Variants in CCDC150 observed in about 807,000 individuals in gnomAD.
The protein encoded by CCDC150 is coiled-coil domain containing 150.
A neutral mutation model predicts 156.5 loss-of-function variants in CCDC150; 151 were observed. The observed-to-expected ratio is 0.97, with a 90% CI of 0.85 to 1.10. The LOEUF (loss-of-function observed/expected upper bound fraction) is 1.10. Among genes scored for constraint, CCDC150 ranks in the 50% least tolerant of loss-of-function variants. CCDC150 has a pLI of 0.00. For synonymous variants in CCDC150, 452 were observed against 429.4 expected, an observed-to-expected ratio of 1.05 and a Z score of -0.65; for missense variants, 1,312 against 1,268.1, an observed-to-expected ratio of 1.03 and a Z score of -0.53.
At chr2:196,691,598 CTTTTCTTA>C (rs1245912747) in intron 13 of CCDC150, among the ~76,000 whole-genome samples, 10 of 59,220 alleles carry the variant, frequency 1.7e-4, no homozygotes, top group Non-Finnish European at 3.1e-4. Flanking sequence ...AAACTACTCT[CTTTTCTTA>C]TTTATTAGTC....
intron 1 of CCDC150, among the ~76,000 whole-genome samples, chr2:196,643,755 C>T (rs749339145): frequency 6.6e-6 from 1 of 152,146 alleles, no homozygotes; most frequent in Non-Finnish European, 1.5e-5. Context: ...AATAAATTGC[C>T]ACAGAAATTG....
chr2:196,655,517 C>G (rs960982433), intron 2 of CCDC150, among the ~76,000 whole-genome samples: 1 of 152,124 alleles, frequency 6.6e-6, no homozygotes, highest in Non-Finnish European at 1.5e-5. Flanking sequence ...TTTGGCTGCC[C>G]CATTAACTCC....
intron 10 of CCDC150, 41 bp from the exon 11 acceptor site, chr2:196,676,102 T>G (rs745647499): frequency 6.2e-7 from 1 of 1,608,678 alleles, no homozygotes; most frequent in African/African-American, 1.3e-5. Flanking sequence ...ATCAAAAGAC[T>G]TTGTGGAGCT....
intron 23 of CCDC150, 25 bp from the exon 24 acceptor site, chr2:196,729,768 T>C (rs1698425255): frequency 6.8e-7 from 1 of 1,463,682 alleles, no homozygotes; most frequent in South Asian, 1.2e-5. Flanking sequence ...ATCATCTTTT[T>C]ATGTTATTTT....
At chr2:196,655,902 C>T (rs1310333172) in intron 2 of CCDC150, among the ~76,000 whole-genome samples, 1 of 152,036 alleles carries the variant, frequency 6.6e-6, no homozygotes, top group Admixed American at 6.5e-5. Flanking sequence ...TGGGGGCTGC[C>T]AAGCTCCCGT....
chr2:196,694,700 A>G (rs1319657284), intron 13 of CCDC150, among the ~76,000 whole-genome samples: 2 of 152,000 alleles, frequency 1.3e-5, no homozygotes, highest in Non-Finnish European at 2.9e-5. Context: ...CGTTTCTACT[A>G]AAAATACAAA....
At chr2:196,647,132 A>G (rs1448194370) in intron 2 of CCDC150, among the ~76,000 whole-genome samples, 1 of 152,074 alleles carries the variant, frequency 6.6e-6, no homozygotes, top group Non-Finnish European at 1.5e-5. Flanking sequence ...CAAAATTAGT[A>G]TAGTTGGTAT....
At chr2:196,696,316 GC>G (rs1356083240) in intron 14 of CCDC150, among the ~76,000 whole-genome samples, 3 of 151,906 alleles carry the variant, frequency 2.0e-5, no homozygotes, top group Non-Finnish European at 4.4e-5. Context: ...GCCTGTAAGT[GC>G]CTATTGGAAT....
chr2:196,671,419 TTC>T (rs1173828147), intron 8 of CCDC150, among the ~76,000 whole-genome samples: 1 of 143,920 alleles, frequency 6.9e-6, no homozygotes, highest in African/African-American at 2.5e-5. Context: ...TTTCTTTCTT[TTC>T]TCTCTCTTTT....
chr2:196,696,185 A>T (rs1695815592), intron 14 of CCDC150, among the ~76,000 whole-genome samples: 1 of 152,158 alleles, frequency 6.6e-6, no homozygotes, highest in South Asian at 2.1e-4. Flanking sequence ...CAAAATGAGG[A>T]TAATAATGCT....
chr2:196,713,098 T>G (rs1697248400), intron 17 of CCDC150: 3 of 494,942 alleles, frequency 6.1e-6, no homozygotes, highest in Admixed American at 7.5e-5. Flanking sequence ...TGCTGATGAG[T>G]GATGAGGTCA....
At chr2:196,683,104 G>T (rs1480418490) in intron 13 of CCDC150, among the ~76,000 whole-genome samples, 1 of 151,954 alleles carries the variant, frequency 6.6e-6, no homozygotes, top group African/African-American at 2.4e-5. Flanking sequence ...TCTGATCTTC[G>T]GGGGAAAGCT....
chr2:196,718,561 A>G lies in CCDC150; in HGVS notation c.1925A>G (p.Asn642Ser), dbSNP rs749813391. ...CTGTCCCGAACAGTGAAGTGTCGTA[A>G]TGCGGCCCTGAAAGAGAGTCAGAAG... ...EELSRTVKCR[N>S]AALKESQKLK... Residue 642 changes from asparagine to serine, a missense_variant, in exon 18 of 28, where the codon AAT (asparagine) becomes AGT (serine). By Grantham distance (46) the Asn-to-Ser change is conservative. Coordinates refer to ENST00000389175, the MANE Select transcript of CCDC150 (RefSeq NM_001080539.2). The G allele has an allele frequency of 9.3e-6, 15 of 1,613,742 alleles. No individual in the cohort carries two copies. The highest frequency in any genetic ancestry group is 1.6e-4 in the Middle Eastern group (1 of 6,082).
At chr2:196,694,893 A>G (rs1376856166) in intron 13 of CCDC150, 153 bp from the exon 14 acceptor site, 3 of 482,492 alleles carry the variant, frequency 6.2e-6, no homozygotes, top group Non-Finnish European at 1.1e-5. Flanking sequence ...TCATAGAGCT[A>G]TCAGACTGAC....
intron 10 of CCDC150, among the ~76,000 whole-genome samples, chr2:196,675,772 A>C (rs1299118379): frequency 6.6e-6 from 1 of 152,178 alleles, no homozygotes; most frequent in African/African-American, 2.4e-5. Flanking sequence ...CTTTATATAC[A>C]TTTATATTGT....
chr2:196,723,658 T>C (rs976436017), intron 21 of CCDC150, among the ~76,000 whole-genome samples: 5 of 152,134 alleles, frequency 3.3e-5, no homozygotes, highest in Admixed American at 6.6e-5. Context: ...GAGCATTTAG[T>C]GGAGGTAAGG....
chr2:196,691,634 A>G (rs28849977), intron 13 of CCDC150, among the ~76,000 whole-genome samples: 1 of 145,468 alleles, frequency 6.9e-6, no homozygotes, highest in East Asian at 2.0e-4. Flanking sequence ...AAGTCTATCT[A>G]TTTTTTTTTT....
intron 13 of CCDC150, among the ~76,000 whole-genome samples, chr2:196,678,652 C>T (rs1181025338): frequency 2.0e-5 from 3 of 152,136 alleles, no homozygotes; most frequent in Admixed American, 2.0e-4. Flanking sequence ...CCTGTAATCC[C>T]AGCACGTTGG....
intron 18 of CCDC150, 128 bp downstream of exon 18, chr2:196,718,759 C>G: frequency 8.1e-7 from 1 of 1,232,858 alleles, no homozygotes; most frequent in Admixed American, 3.1e-5. Flanking sequence ...ATTTCTTTTT[C>G]TGGAGAAAAG....
Sources: gnomAD v4.1 joint callset for allele counts (sites outside exome capture counted in the v4.1 genomes callset) on GRCh38, gnomAD v4.1.1 for gene constraint, MANE v1.5 for transcripts, NCBI Gene and HGNC (gene_info 2026-07-23, HGNC 2026-07-21) for gene names.